Variants in GRIA3 observed in about 807,000 individuals in gnomAD.
The protein encoded by GRIA3 is glutamate ionotropic receptor AMPA type subunit 3.
Under a neutral mutation model 63.0 loss-of-function variants are expected in GRIA3, and 3 were observed. The ratio of observed to expected loss-of-function variants is 0.05; its 90% CI spans 0.02 to 0.12. GRIA3 has a LOEUF of 0.12. GRIA3 is among the 10% of genes least tolerant of loss of function. The pLI, the probability that GRIA3 is intolerant of heterozygous loss-of-function variation, is 1.00. For synonymous variants in GRIA3, 274 were observed against 257.9 expected (o/e 1.06, Z -0.60); for missense variants, 347 against 700.9 (o/e 0.50, Z 5.70).
At chrX:123,342,422 C>G (rs2045014683) in intron 4 of GRIA3, among the ~76,000 whole-genome samples, 1 of 111,993 alleles carries the variant, frequency 8.9e-6, no homozygotes, top group Non-Finnish European at 1.9e-5. Flanking sequence ...CAGAGAGGTA[C>G]CAGCTCACTC....
At chrX:123,486,608 C>G (rs1169087090) in intron 15 of GRIA3, among the ~76,000 whole-genome samples, 1 of 112,333 alleles carries the variant, frequency 8.9e-6, no homozygotes, top group Non-Finnish European at 1.9e-5. Flanking sequence ...TGCTTTGAAA[C>G]CTCTCTGTTG....
intron 2 of GRIA3, among the ~76,000 whole-genome samples, chrX:123,239,758 A>G (rs1201261888): frequency 8.9e-6 from 1 of 112,326 alleles, no homozygotes; most frequent in East Asian, 2.8e-4. Flanking sequence ...ATAATGGACA[A>G]TTAAATGTTG....
At chrX:123,381,573 C>T (rs1443346811) in intron 5 of GRIA3, among the ~76,000 whole-genome samples, 1 of 111,400 alleles carries the variant, frequency 9.0e-6, no homozygotes, top group East Asian at 2.8e-4. Context: ...CAAACAAATC[C>T]TGCCCTTGTA....
intron 12 of GRIA3, among the ~76,000 whole-genome samples, chrX:123,429,556 C>T (rs1431212640): frequency 9.0e-6 from 1 of 111,720 alleles, no homozygotes; most frequent in Non-Finnish European, 1.9e-5. Flanking sequence ...ATTTTCTGCC[C>T]CCATGAAATC....
At chrX:123,486,968 A>G (rs1307584683) in intron 15 of GRIA3, among the ~76,000 whole-genome samples, 1 of 112,618 alleles carries the variant, frequency 8.9e-6, no homozygotes, top group African/African-American at 3.2e-5. Flanking sequence ...GCATCCTTGA[A>G]AGATGAGGGA....
chrX:123,464,645 T>G (rs772753299), intron 12 of GRIA3, among the ~76,000 whole-genome samples: 2 of 111,415 alleles, frequency 1.8e-5, no homozygotes, highest in East Asian at 5.6e-4. Flanking sequence ...TAGAATAGAA[T>G]AGAAAATATC....
intron 2 of GRIA3, among the ~76,000 whole-genome samples, chrX:123,241,028 T>C (rs2044326709): frequency 8.9e-6 from 1 of 111,880 alleles, no homozygotes; most frequent in Admixed American, 9.5e-5. Flanking sequence ...TGGAGCATAC[T>C]GAAGAACTTT....
intron 5 of GRIA3, among the ~76,000 whole-genome samples, chrX:123,357,971 A>G (rs947232816): frequency 5.4e-5 from 6 of 110,932 alleles, no homozygotes; most frequent in Non-Finnish European, 1.1e-4. Flanking sequence ...TTCATCTCTG[A>G]TGATAATAAT....
At chrX:123,326,288 T>C in intron 4 of GRIA3, 75 bp downstream of exon 4, 1 of 842,194 alleles carries the variant, frequency 1.2e-6, no homozygotes, top group Non-Finnish European at 1.8e-6. Flanking sequence ...TATCTGCTAA[T>C]AAATTAAGTA....
intron 5 of GRIA3, among the ~76,000 whole-genome samples, chrX:123,370,916 T>C (rs1480026162): frequency 9.0e-6 from 1 of 111,011 alleles, no homozygotes; most frequent in Non-Finnish European, 1.9e-5. Context: ...CTTTTAGTTA[T>C]TTTAAAATGT....
At chrX:123,373,361 A>C (rs767233959) in intron 5 of GRIA3, among the ~76,000 whole-genome samples, 1 of 111,804 alleles carries the variant, frequency 8.9e-6, no homozygotes, top group African/African-American at 3.2e-5. Context: ...CATAATTTAT[A>C]ATCCTTTGAG....
At chrX:123,321,031 C>A (rs1247161488) in intron 3 of GRIA3, among the ~76,000 whole-genome samples, 1 of 112,195 alleles carries the variant, frequency 8.9e-6, no homozygotes, top group Non-Finnish European at 1.9e-5. Flanking sequence ...TATCCTACTT[C>A]TCTGAGTCAT....
intron 3 of GRIA3, among the ~76,000 whole-genome samples, chrX:123,319,310 T>C (rs1437588747): frequency 8.9e-6 from 1 of 112,235 alleles, no homozygotes; most frequent in Non-Finnish European, 1.9e-5. Context: ...GTTTGTGGAA[T>C]ACACTCTATG....
At chrX:123,439,910 C>T (rs2045664551) in intron 12 of GRIA3, among the ~76,000 whole-genome samples, 1 of 110,959 alleles carries the variant, frequency 9.0e-6, no homozygotes, top group African/African-American at 3.3e-5. Context: ...GTCCAGTACC[C>T]AATAGTTATC....
At chrX:123,452,962 T>C (rs1446281635) in intron 12 of GRIA3, among the ~76,000 whole-genome samples, 2 of 112,181 alleles carry the variant, frequency 1.8e-5, no homozygotes, top group African/African-American at 6.5e-5. Flanking sequence ...AGTTCAACCA[T>C]TGTGGAAGAA....
chrX:123,384,808 G>A (rs192366607), intron 5 of GRIA3, among the ~76,000 whole-genome samples: 2 of 111,834 alleles, frequency 1.8e-5, no homozygotes, highest in East Asian at 5.6e-4. Context: ...TTTGAAAGGT[G>A]TCTGTTCGTG....
chrX:123,477,154 C>G (rs1358369789), intron 13 of GRIA3, among the ~76,000 whole-genome samples: 2 of 111,608 alleles, frequency 1.8e-5, no homozygotes, highest in Non-Finnish European at 3.8e-5. Context: ...AGCCTTCCCT[C>G]CTCCAAAACC....
rs777259611 is a variant in GRIA3, at chrX:123,389,443, C to A, written c.751-5525C>A. ...TGCTATATAGTACTATTAGATTAAT[C>A]CCTTTATCATTATGTAATGACCTTC... On this transcript the variant is annotated intron_variant, in intron 5 of 15. Coordinates refer to ENST00000620443, the MANE Select transcript of GRIA3 (RefSeq NM_007325.5). Among the ~76,000 whole-genome samples, 4 of 111,490 alleles carry A rather than the reference C, an allele frequency of 3.6e-5. No homozygotes were observed. In the South Asian group the frequency reaches 1.1e-3, roughly 32 times the overall value.
chrX:123,294,829 C>T (rs926603418), intron 3 of GRIA3, among the ~76,000 whole-genome samples: 3 of 111,653 alleles, frequency 2.7e-5, no homozygotes, highest in Non-Finnish European at 5.7e-5. Context: ...GGCTTTCAGT[C>T]AATCCCTATG....
Sources: allele counts gnomAD v4.1 joint callset (sites outside exome capture counted in the v4.1 genomes callset), GRCh38; gene constraint gnomAD v4.1.1; transcripts MANE v1.5; gene names NCBI Gene and HGNC (gene_info 2026-07-23, HGNC 2026-07-21).